PSD2: variants seen among roughly 807,000 people sequenced by gnomAD.
PSD2 encodes the protein PH and SEC7 domain-containing protein 2.
PSD2 carries 38 observed loss-of-function variants against 69.8 expected under a neutral mutation model. That is an observed-to-expected ratio of 0.54 (90% CI 0.42 to 0.71). The LOEUF (loss-of-function observed/expected upper bound fraction) is 0.71, where lower values mean the gene tolerates loss of function less well. PSD2 is among the 30% of genes least tolerant of loss of function. PSD2 has a pLI of 0.00. For synonymous variants in PSD2, 412 were observed against 423.0 expected, an observed-to-expected ratio of 0.97 and a Z score of 0.32; for missense variants, 943 against 1,014.5, an observed-to-expected ratio of 0.93 and a Z score of 0.96.
chr5:139,814,208 CTG>C lies in PSD2; in HGVS notation c.861_862del (p.Glu288AlafsTer11). On this transcript the variant is annotated frameshift_variant, in exon 4 of 15. Coordinates refer to ENST00000274710, the MANE Select transcript of PSD2 (RefSeq NM_032289.4). LOFTEE classifies it high-confidence loss of function. This position sits in a 1 kb window ranked among gnomAD's most constrained non-coding sequence, Gnocchi z 4.4. Reference sequence around the variant, plus strand: ...AAGGATGGCCTGTCAGACTCAGACTCTGAGCTCAGCAGCTCGGAGGGGTTGGA... The same window carrying C: ...AAGGATGGCCTGTCAGACTCAGACTCAGCTCAGCAGCTCGGAGGGGTTGGA... The C allele has an allele frequency of 6.2e-7, 1 of 1,613,842 alleles. No individual in the cohort carries two copies.
At position 139,837,301 on chromosome 5, in the gene PSD2, CT is replaced by C; in HGVS notation, c.1665+65del. 6.9e-7 allele frequency: 1 copy of C among 1,447,956 alleles called. No homozygotes were observed. Among genetic ancestry groups the C allele is most frequent in the Non-Finnish European group, 9.2e-7 (1 of 1,082,362 alleles). 89.7% of individuals were successfully genotyped at this position (1,447,956 alleles called of 1,614,324 possible). ...CAGCTCAGTCCCATCCCGCCCTGGC[CT>C]TGTGGCACCCCGAAGCCCCAGGCAG... On this transcript the variant is annotated intron_variant, in intron 11 of 14. Coordinates refer to ENST00000274710, the MANE Select transcript of PSD2 (RefSeq NM_032289.4). This position sits in a 1 kb window ranked among gnomAD's most constrained non-coding sequence, Gnocchi z 5.0.
intron 7 of PSD2, among the ~76,000 whole-genome samples, chr5:139,829,085 A>T (rs1760504010): frequency 1.3e-5 from 2 of 152,188 alleles, no homozygotes; most frequent in Admixed American, 1.3e-4. Context: ...GGGCTTTGGG[A>T]TGATCTGGGT....
At chr5:139,799,342 GC>G (rs1209818836) in intron 1 of PSD2, among the ~76,000 whole-genome samples, 1 of 152,190 alleles carries the variant, frequency 6.6e-6, no homozygotes, top group African/African-American at 2.4e-5. Flanking sequence ...CTTTCAGGGA[GC>G]TCAAAACTTC....
At chr5:139,817,765 G>A (rs1760157858) in intron 5 of PSD2, among the ~76,000 whole-genome samples, 1 of 152,278 alleles carries the variant, frequency 6.6e-6, no homozygotes, top group Non-Finnish European at 1.5e-5. Context: ...AGGATGTGAG[G>A]GTGGAAATGT....
Position 139,814,377 on chromosome 5 carries a change from T to A in PSD2, c.1016+13T>A, listed in dbSNP as rs765295075. 1.3e-6 allele frequency: 2 copies of A among 1,583,234 alleles called. No individual in the cohort carries two copies. The highest frequency in any genetic ancestry group is 8.6e-7 in the Non-Finnish European group (1 of 1,164,190). On this transcript the variant is annotated intron_variant, in intron 4 of 14. Coordinates refer to ENST00000274710, the MANE Select transcript of PSD2 (RefSeq NM_032289.4). This position sits in a 1 kb window ranked among gnomAD's most constrained non-coding sequence, Gnocchi z 4.4. ...AGCTGGGCAAGAAGTGAGTGTGAGC[T>A]CCCCTGCCCCCAACCCTGGGCAAAC...
chr5:139,760,748 GC>G, the PSD2 span, among the ~76,000 whole-genome samples: 1 of 152,136 alleles, frequency 6.6e-6, no homozygotes, highest in Non-Finnish European at 1.5e-5. Flanking sequence ...CCCACATAGG[GC>G]TTGTGGTCTG....
At position 139,836,829 on chromosome 5, in the gene PSD2, G is replaced by A. The variant is rs1760732885; in HGVS notation, c.1422G>A (p.Arg474=). 6.2e-7 allele frequency: 1 copy of A among 1,614,132 alleles called. No homozygotes were observed. The highest frequency in any genetic ancestry group is 8.5e-7 in the Non-Finnish European group (1 of 1,179,970). ...LEWAIDEDEL[R]KSLSELVDDK... ...TCCCTAGTGATGAGGATGAGCTGAG[G>A]AAATCCCTGTCTGAGCTGGTGGATG... The change falls in exon 10 of 15, where the codon AGG becomes AGA. Residue 474 remains arginine (R), a synonymous_variant. Coordinates refer to ENST00000274710, the MANE Select transcript of PSD2 (RefSeq NM_032289.4).
In PSD2 at chr5:139,837,330, C is replaced by A; in HGVS notation, c.1665+92C>A. 3 of 1,262,148 alleles carry A rather than the reference C, an allele frequency of 2.4e-6. No homozygotes were observed. The highest frequency in any genetic ancestry group is 1.3e-5 in the South Asian group (1 of 79,470). The allele number at this position is 1,262,148 out of a possible 1,614,324, so 78.2% of individuals were successfully genotyped here. A position where few individuals can be genotyped will look rare whatever the true frequency, so the allele number is the denominator to read the frequency against. Reference sequence around the variant, plus strand: ...TGGCACCCCGAAGCCCCAGGCAGGACCTGGGGCTCAGGCACATGCTGGGTC... The same window carrying A: ...TGGCACCCCGAAGCCCCAGGCAGGAACTGGGGCTCAGGCACATGCTGGGTC... On this transcript the variant is annotated intron_variant, in intron 11 of 14. Transcript: ENST00000274710. This position sits in a 1 kb window ranked among gnomAD's most constrained non-coding sequence, Gnocchi z 5.0.
chr5:139,783,943 C>CTTTTTT, the PSD2 span, among the ~76,000 whole-genome samples: 92 of 87,882 alleles, frequency 1.0e-3, 5 homozygotes, highest in African/African-American at 3.0e-3. Context: ...TCTGCTAGCT[C>CTTTTTT]TTTTTTTTTT....
At chr5:139,773,280 TA>T in the PSD2 span, among the ~76,000 whole-genome samples, 4 of 152,128 alleles carry the variant, frequency 2.6e-5, no homozygotes, top group Non-Finnish European at 5.9e-5. Flanking sequence ...TTCCTTTTTT[TA>T]GATTGGGTCT....
intron 2 of PSD2, among the ~76,000 whole-genome samples, chr5:139,810,657 C>T (rs114429623): frequency 3.9e-5 from 6 of 152,174 alleles, no homozygotes; most frequent in African/African-American, 1.2e-4. Flanking sequence ...GGCACATGTT[C>T]GTGTTATGTA....
At chr5:139,766,944 T>TCTTTCTTC in the PSD2 span, among the ~76,000 whole-genome samples, 1 of 117,560 alleles carries the variant, frequency 8.5e-6, no homozygotes, top group Non-Finnish European at 1.8e-5. Flanking sequence ...TTTCTTTCTT[T>TCTTTCTTC]CTTTCTTTCT....
the PSD2 span, among the ~76,000 whole-genome samples, chr5:139,771,111 ACT>A: frequency 1.3e-5 from 2 of 152,248 alleles, no homozygotes; most frequent in Non-Finnish European, 2.9e-5. Context: ...ATACATAGAT[ACT>A]TTTATATTTT....
chr5:139,742,844 C>T, the PSD2 span, among the ~76,000 whole-genome samples: 1 of 152,198 alleles, frequency 6.6e-6, no homozygotes, highest in Non-Finnish European at 1.5e-5. Context: ...CAAGAGAATA[C>T]AGTGATCTGA....
upstream of PSD2, among the ~76,000 whole-genome samples, chr5:139,795,211 C>T (rs1467262367): frequency 6.6e-6 from 1 of 152,172 alleles, no homozygotes; most frequent in Non-Finnish European, 1.5e-5. This position sits in a 1 kb window ranked among gnomAD's most constrained non-coding sequence, Gnocchi z 4.5. Flanking sequence ...CTTCTCACCC[C>T]ACAGCCCAGG....
chr5:139,809,151 G>T (rs1364905192), intron 1 of PSD2, among the ~76,000 whole-genome samples: 1 of 152,182 alleles, frequency 6.6e-6, no homozygotes, highest in Non-Finnish European at 1.5e-5. Context: ...TAACACGAAG[G>T]GCAGGGACTG....
intron 1 of PSD2, among the ~76,000 whole-genome samples, chr5:139,807,191 A>G (rs929886616): frequency 3.9e-5 from 6 of 152,194 alleles, no homozygotes; most frequent in Admixed American, 1.3e-4. Flanking sequence ...CTCAGCCCCT[A>G]GGTATGTGTA....
chr5:139,827,152 C>T (rs1247601261), intron 7 of PSD2, among the ~76,000 whole-genome samples: 1 of 152,198 alleles, frequency 6.6e-6, no homozygotes, highest in Admixed American at 6.5e-5. Context: ...GGTCATTCTT[C>T]CCCACCCACA....
chr5:139,758,917 G>A, the PSD2 span, among the ~76,000 whole-genome samples: 14 of 152,160 alleles, frequency 9.2e-5, no homozygotes, highest in African/African-American at 3.4e-4. Context: ...TTCGCCCAGG[G>A]TCCCCTTCTT....
Sources: allele counts gnomAD v4.1 joint callset (sites outside exome capture counted in the v4.1 genomes callset), GRCh38; gene constraint gnomAD v4.1.1; non-coding constraint Gnocchi (gnomAD v3.1); transcripts MANE v1.5; gene names NCBI Gene and HGNC (gene_info 2026-07-23, HGNC 2026-07-21).